ROGDI: variants seen among roughly 807,000 people sequenced by gnomAD.
ROGDI encodes protein rogdi homolog.
In ROGDI, 46 loss-of-function variants were observed where a neutral mutation model predicts 43.1. That is an observed-to-expected ratio of 1.07 (90% confidence interval 0.84 to 1.37). ROGDI has a LOEUF of 1.37. ROGDI is among the 40% of genes most tolerant of loss of function. ROGDI has a pLI of 0.00. For synonymous variants in ROGDI, 243 were observed against 162.0 expected (o/e 1.50, Z -3.80); for missense variants, 518 against 383.9 (o/e 1.35, Z -2.92).
At chr16:4,802,228 G>C in intron 2 of ROGDI, 154 bp downstream of exon 2, 1 of 719,606 alleles carries the variant, frequency 1.4e-6, no homozygotes, top group South Asian at 1.5e-5. Context: ...ATATAATGAG[G>C]TCGGCTCGAG....
Position 4,802,411 on chromosome 16 carries a change from C to T in ROGDI, c.88G>A (p.Val30Met). 1 of 1,543,746 alleles carries T rather than the reference C, an allele frequency of 6.5e-7. No homozygotes were observed. Among genetic ancestry groups the T allele is most frequent in the East Asian group, 2.5e-5 (1 of 39,550 alleles). ...AGGATGTCCTGCAGCTGCTTCAACA[C>T]AGCGTGCACCTCGTCGTGCAGCAGC... ...RWLLHDEVHA[V>M]LKQLQDILKE... The change falls in exon 2 of 11, where the codon GTG becomes ATG. Residue 30 changes from valine to methionine, a missense_variant. Val to Met is a conservative substitution (Grantham distance 21). Transcript: ENST00000322048.
At chr16:4,798,010 CG>C (rs1567597782) in intron 8 of ROGDI, 23 bp from the exon 9 acceptor site, 1 of 1,613,256 alleles carries the variant, frequency 6.2e-7, no homozygotes, top group Non-Finnish European at 8.5e-7. Flanking sequence ...GCACCAGACC[CG>C]TCAGGCCTTG....
Position 4,797,402 on chromosome 16 carries a change from G to C in ROGDI, c.*58C>G. 2.6e-6 allele frequency: 4 copies of C among 1,528,278 alleles called. No homozygotes were observed. Among genetic ancestry groups the C allele is most frequent in the Non-Finnish European group, 3.6e-6 (4 of 1,115,194 alleles). The allele number at this position is 1,528,278 out of a possible 1,614,324, so 94.7% of individuals were successfully genotyped here. On this transcript the variant is annotated 3_prime_UTR_variant, in exon 11 of 11. Transcript: ENST00000322048. The stretch of plus-strand genomic sequence containing the variant: ...CGTTGGCACTGGCTGGTGCTCTGTG[G>C]TGGGTATGAGTAGGGGACGGGGCCG...
rs556057635 is a variant in ROGDI at position 4,798,910 on chromosome 16, T to C, written c.433-243A>G. The stretch of plus-strand genomic sequence containing the variant: ...TTCACTGCACGGGGATCCTGGGTGC[T>C]GGATCAATGGGGAATGGAAGGTCCT... On this transcript the variant is annotated intron_variant, in intron 6 of 10. Transcript: ENST00000322048. 8 of 534,686 alleles carry C rather than the reference T, an allele frequency of 1.5e-5. No homozygotes were observed. In the Admixed American group the frequency reaches 1.5e-4, roughly 10 times the overall value. 33.1% of individuals were successfully genotyped at this position (534,686 alleles called of 1,614,324 possible). A position where few individuals can be genotyped will look rare whatever the true frequency, so the allele number is the denominator to read the frequency against.
At position 4,801,288 on chromosome 16, in the gene ROGDI, C is replaced by T. The variant is rs767642673; in HGVS notation, c.234G>A (p.Gln78=). 6.2e-7 allele frequency: 1 copy of T among 1,609,042 alleles called. No individual in the cohort carries two copies. Among genetic ancestry groups the T allele is most frequent in the South Asian group, 1.1e-5 (1 of 90,686 alleles). ...TDQVKGVLTL[Q]GDALSQADVN... Reference sequence around the variant, plus strand: ...TCACCGCCTGGCTGAGGGCATCCCCCTGCAGAGTCAGCACACCCTTCACCT... The same window carrying T: ...TCACCGCCTGGCTGAGGGCATCCCCTTGCAGAGTCAGCACACCCTTCACCT... The change falls in exon 4 of 11, where the codon CAG becomes CAA. Residue 78 remains glutamine, a synonymous_variant. Transcript: ENST00000322048.
chr16:4,800,967 G>A (rs1402225065), intron 4 of ROGDI: 1 of 506,294 alleles, frequency 2.0e-6, no homozygotes, highest in Non-Finnish European at 3.5e-6. Context: ...CTGGAGTTCA[G>A]GCATTGGCTG....
chr16:4,801,660 C>A (rs1160045747), intron 2 of ROGDI, 75 bp from the exon 3 acceptor site: 2 of 1,368,674 alleles, frequency 1.5e-6, no homozygotes, highest in East Asian at 2.5e-5. Flanking sequence ...CAGAAGCCCC[C>A]CTCCCTCCAA....
At position 4,798,682 on chromosome 16, in the gene ROGDI, G is replaced by A. The variant is rs114103417; in HGVS notation, c.433-15C>T. ...GCGTCCATCAGCTGCAGGGAGAGGC[G>A]GGGTTGGCTCTGCGTCCTCCCGTGT... On this transcript the variant is annotated splice_polypyrimidine_tract_variant and intron_variant, in intron 6 of 10. Coordinates refer to ENST00000322048, the MANE Select transcript of ROGDI (RefSeq NM_024589.3). 2,492 of 1,546,160 alleles carry A rather than the reference G, an allele frequency of 1.6e-3. 24 individuals carry two copies. The African/African-American group carries it at 0.023, about 14-fold the overall frequency.
rs2082679078 is a variant in ROGDI at position 4,798,276 on chromosome 16, G to A, written c.532-92C>T. On this transcript the variant is annotated intron_variant, in intron 7 of 10. Coordinates refer to ENST00000322048, the MANE Select transcript of ROGDI (RefSeq NM_024589.3). ...GCAGTCACTCATGGAGTCTGCAGGG[G>A]ATCCCAGTCCCCACCCCAGAGATGC... is the stretch of plus-strand genomic sequence containing the variant. 6 of 1,071,654 alleles carry A rather than the reference G, an allele frequency of 5.6e-6. No homozygotes were observed. In the South Asian group the frequency reaches 8.1e-5, roughly 15 times the overall value. The allele number at this position is 1,071,654 out of a possible 1,614,324, so 66.4% of individuals were successfully genotyped here.
chr16:4,801,807 G>A (rs2082726702), intron 2 of ROGDI: 2 of 600,030 alleles, frequency 3.3e-6, no homozygotes, highest in Non-Finnish European at 6.0e-6. Flanking sequence ...CACCTCCTGT[G>A]TGCCCGCCTC....
At chr16:4,798,025 GGC>G (rs754215549) in intron 8 of ROGDI, 38 bp from the exon 9 acceptor site, 2 of 1,613,504 alleles carry the variant, frequency 1.2e-6, no homozygotes, top group South Asian at 1.1e-5. Flanking sequence ...GGCCTTGCAG[GGC>G]GTGTGCATGG....
At chr16:4,801,696 G>T in intron 2 of ROGDI, 111 bp from the exon 3 acceptor site, 1 of 1,053,666 alleles carries the variant, frequency 9.5e-7, no homozygotes, top group Non-Finnish European at 1.4e-6. Flanking sequence ...GAACAACGTG[G>T]CCTGGCCTCA....
At chr16:4,799,422 G>A (rs889354445) in intron 6 of ROGDI, among the ~76,000 whole-genome samples, 6 of 152,134 alleles carry the variant, frequency 3.9e-5, no homozygotes, top group Non-Finnish European at 7.4e-5. Context: ...TGTGCCACGC[G>A]GTTAATGTGA....
At chr16:4,800,808 T>G (rs2082705696) in intron 4 of ROGDI, 4 of 556,888 alleles carry the variant, frequency 7.2e-6, no homozygotes, top group East Asian at 3.1e-5. Flanking sequence ...TGGAAAGAGG[T>G]GAAGAAAGGG....
At position 4,799,554 on chromosome 16, in the gene ROGDI, GAC is replaced by G. The variant is rs557083115; in HGVS notation, c.432+130_432+131del. The G allele has an allele frequency of 8.2e-5, 51 of 623,294 alleles. 1 individual carries two copies. In the South Asian group the frequency reaches 1.0e-3, roughly 13 times the overall value. The allele number at this position is 623,294 out of a possible 1,614,324, so 38.6% of individuals were successfully genotyped here. A position where few individuals can be genotyped will look rare whatever the true frequency, so the allele number is the denominator to read the frequency against. ...CCCTGACCCCACAGGTAGAAATGGAGACACAGAGTCGGCAGGTAAGTGCTTAC... is the reference window on the plus strand; with the variant it reads ...CCCTGACCCCACAGGTAGAAATGGAGACAGAGTCGGCAGGTAAGTGCTTAC... On this transcript the variant is annotated intron_variant, in intron 6 of 10. Coordinates refer to ENST00000322048, the MANE Select transcript of ROGDI (RefSeq NM_024589.3).
Position 4,797,232 on chromosome 16 carries a change from A to C in ROGDI, c.*228T>G. ...CAGAGGGCGGTGTTGGGAATGTGGG[A>C]CACCCTTGGCCCCGCCTCCCTGACC... On this transcript the variant is annotated 3_prime_UTR_variant, in exon 11 of 11. Coordinates refer to ENST00000322048, the MANE Select transcript of ROGDI (RefSeq NM_024589.3). 1 of 516,336 alleles carries C rather than the reference A, an allele frequency of 1.9e-6. No homozygotes were observed. The highest frequency in any genetic ancestry group is 3.5e-6 in the Non-Finnish European group (1 of 288,302). 32.0% of individuals were successfully genotyped at this position (516,336 alleles called of 1,614,324 possible).
At position 4,799,346 on chromosome 16, in the gene ROGDI, A is replaced by G. The variant is rs117562141; in HGVS notation, c.432+340T>C. Among the ~76,000 whole-genome samples, 176 of 152,258 alleles carry G rather than the reference A, an allele frequency of 1.2e-3. 3 individuals carry two copies. The East Asian group carries it at 0.032, about 28-fold the overall frequency. On this transcript the variant is annotated intron_variant, in intron 6 of 10. Transcript: ENST00000322048. ...CCAGAGAGGGCAGGTGAACCACCGG[A>G]GGACACACAGCAAGTCAGGGGCAGA...
intron 6 of ROGDI, 77 bp downstream of exon 6, chr16:4,799,609 T>A: frequency 9.0e-7 from 1 of 1,116,356 alleles, no homozygotes; most frequent in Non-Finnish European, 1.3e-6. Flanking sequence ...GTGGAGGCCC[T>A]GGGATTGGAA....
Position 4,798,587 on chromosome 16 carries a change from G to C in ROGDI, c.513C>G (p.Ile171Met). Reference protein sequence around the residue: ...TTPATLTLPEIAASGLTRMFA... With the variant: ...TTPATLTLPEMAASGLTRMFA... ...CACTGACCGTGAGGCCGCTGGCGGCGATCTCGGGGAGGGTGAGGGTGGCGG... is the reference window on the plus strand; with the variant it reads ...CACTGACCGTGAGGCCGCTGGCGGCCATCTCGGGGAGGGTGAGGGTGGCGG... Residue 171 changes from isoleucine (I) to methionine (M), a missense_variant, in exon 7 of 11, where the codon ATC (isoleucine) becomes ATG (methionine). Transcript: ENST00000322048. 7 of 1,565,766 alleles carry C rather than the reference G, an allele frequency of 4.5e-6. No homozygotes were observed. The highest frequency in any genetic ancestry group is 6.0e-6 in the Non-Finnish European group (7 of 1,161,522).
Sources: gnomAD v4.1 joint callset for allele counts (sites outside exome capture counted in the v4.1 genomes callset) on GRCh38, gnomAD v4.1.1 for gene constraint, MANE v1.5 for transcripts, NCBI Gene and HGNC (gene_info 2026-07-23, HGNC 2026-07-21) for gene names.